The following ADAMTS18 variants were observed in gnomAD, a reference collection of about 807,000 sequenced individuals.
ADAMTS18 encodes the protein ADAM metallopeptidase with thrombospondin type 1 motif 18.
ADAMTS18 carries 157 observed loss-of-function variants against 165.9 expected under a neutral mutation model. The ratio of observed to expected loss-of-function variants is 0.95; its 90% CI spans 0.83 to 1.08. The LOEUF is 1.08. ADAMTS18 is among the 50% of genes least tolerant of loss of function. ADAMTS18 has a pLI of 0.00. For missense variants in ADAMTS18, 2,040 were observed against 1,534.0 expected (o/e 1.33, Z -5.51); for synonymous variants, 782 against 578.2 (o/e 1.35, Z -5.06).
chr16:77,395,631 A>G (rs2057246935), intron 3 of ADAMTS18, among the ~76,000 whole-genome samples: 2 of 152,200 alleles, frequency 1.3e-5, no homozygotes, highest in South Asian at 4.1e-4. Context: ...TGATTCTTTA[A>G]TGGAAACACT....
intron 3 of ADAMTS18, among the ~76,000 whole-genome samples, chr16:77,419,835 C>T (rs1017661644): frequency 6.6e-6 from 1 of 151,640 alleles, no homozygotes; most frequent in Non-Finnish European, 1.5e-5. Context: ...CCCGTCTCTA[C>T]TAAAAATAGA....
At chr16:77,400,481 T>TGTGTGTG (rs1491498451) in intron 3 of ADAMTS18, among the ~76,000 whole-genome samples, 2 of 109,672 alleles carry the variant, frequency 1.8e-5, no homozygotes, top group Admixed American at 8.5e-5. Flanking sequence ...TGTGTGTGTG[T>TGTGTGTG]TTTGTTTTTT....
chr16:77,335,971 C>T, intron 11 of ADAMTS18, 67 bp from the exon 12 acceptor site: 1 of 1,583,264 alleles, frequency 6.3e-7, no homozygotes, highest in Non-Finnish European at 8.7e-7. Flanking sequence ...GAGTTGCCAA[C>T]ACCTGCACAG....
In ADAMTS18 at chr16:77,431,747, A is replaced by G. The variant is rs2057743600; in HGVS notation, c.179-136T>C. 3.2e-6 allele frequency: 3 copies of G among 928,918 alleles called. No homozygotes were observed. In the African/African-American group the frequency reaches 4.8e-5, roughly 15 times the overall value. The allele number at this position is 928,918 out of a possible 1,614,324, so 57.5% of individuals were successfully genotyped here. A position where few individuals can be genotyped will look rare whatever the true frequency, so the allele number is the denominator to read the frequency against. On this transcript the variant is annotated intron_variant, in intron 2 of 22. Coordinates refer to ENST00000282849, the MANE Select transcript of ADAMTS18 (RefSeq NM_199355.4). ...ATTGCCTTGCACCTAGATCAAATAT[A>G]ATTCAGAGCAGCACAGGCAGCAGAA... is the stretch of plus-strand genomic sequence containing the variant.
intron 3 of ADAMTS18, among the ~76,000 whole-genome samples, chr16:77,395,081 G>T (rs1301695437): frequency 2.0e-5 from 3 of 152,152 alleles, no homozygotes; most frequent in Non-Finnish European, 4.4e-5. Context: ...TTTATTTCTG[G>T]TCCAAGGAGG....
intron 6 of ADAMTS18, among the ~76,000 whole-genome samples, chr16:77,363,091 C>A (rs2056739593): frequency 6.6e-6 from 1 of 152,132 alleles, no homozygotes. Flanking sequence ...GAGGAAAAGC[C>A]TCGGGGGACT....
At chr16:77,311,700 G>GGTTTTTTTTTT (rs141522765) in intron 16 of ADAMTS18, among the ~76,000 whole-genome samples, 1 of 94,230 alleles carries the variant, frequency 1.1e-5, no homozygotes. Context: ...GATTACTGGA[G>GGTTTTTTTTTT]TTTTCTTTTT....
chr16:77,382,133 A>G (rs2057039882), intron 3 of ADAMTS18, among the ~76,000 whole-genome samples: 1 of 152,228 alleles, frequency 6.6e-6, no homozygotes, highest in Non-Finnish European at 1.5e-5. Flanking sequence ...CATATCCACA[A>G]TAATAAAAGA....
At chr16:77,342,649 G>T (rs2056416160) in intron 10 of ADAMTS18, among the ~76,000 whole-genome samples, 1 of 152,118 alleles carries the variant, frequency 6.6e-6, no homozygotes, top group African/African-American at 2.4e-5. Flanking sequence ...CTCAAACCAG[G>T]CCTATGAAAT....
intron 16 of ADAMTS18, among the ~76,000 whole-genome samples, chr16:77,309,537 T>C (rs907027734): frequency 6.6e-6 from 1 of 152,188 alleles, no homozygotes; most frequent in Non-Finnish European, 1.5e-5. Context: ...CATTTTAAAA[T>C]TGGACTGGCA....
chr16:77,410,848 C>G (rs2057453356), intron 3 of ADAMTS18, among the ~76,000 whole-genome samples: 1 of 152,148 alleles, frequency 6.6e-6, no homozygotes, highest in Non-Finnish European at 1.5e-5. Context: ...AATATGGCAA[C>G]AGAAATGCAT....
intron 15 of ADAMTS18, 105 bp downstream of exon 15, chr16:77,320,974 G>A (rs1448348958): frequency 7.3e-7 from 1 of 1,364,248 alleles, no homozygotes; most frequent in Non-Finnish European, 1.0e-6. Flanking sequence ...TCACTAGTGT[G>A]TCCAGTGAAC....
chr16:77,289,923 A>C (rs1264858831), intron 21 of ADAMTS18, among the ~76,000 whole-genome samples: 1 of 152,210 alleles, frequency 6.6e-6, no homozygotes, highest in Non-Finnish European at 1.5e-5. Context: ...CGCTGATTTC[A>C]GTGTGCAATT....
Position 77,283,916 on chromosome 16 carries a change from G to GT in ADAMTS18, c.*39dup, listed in dbSNP as rs2055196981. On this transcript the variant is annotated 3_prime_UTR_variant, in exon 23 of 23. Transcript: ENST00000282849. Reference sequence around the variant, plus strand: ...AGCTGGTCTCTCTAGAGGTTGAAAGGTAAGCCCCTGGCCCTAAGGTGCTGG... The same window carrying GT: ...AGCTGGTCTCTCTAGAGGTTGAAAGGTTAAGCCCCTGGCCCTAAGGTGCTGG... The GT allele has an allele frequency of 6.6e-7, 1 of 1,504,128 alleles. No homozygotes were observed. Among genetic ancestry groups the GT allele is most frequent in the African/African-American group, 1.4e-5 (1 of 72,652 alleles). 93.2% of individuals were successfully genotyped at this position (1,504,128 alleles called of 1,614,324 possible).
At chr16:77,363,352 A>G (rs1031001568) in intron 6 of ADAMTS18, among the ~76,000 whole-genome samples, 1 of 152,062 alleles carries the variant, frequency 6.6e-6, no homozygotes, top group African/African-American at 2.4e-5. Context: ...TAATTTTCTG[A>G]TGTCTTATTT....
intron 3 of ADAMTS18, among the ~76,000 whole-genome samples, chr16:77,399,237 C>T (rs1374669178): frequency 6.6e-6 from 1 of 152,172 alleles, no homozygotes; most frequent in Non-Finnish European, 1.5e-5. Context: ...AAACTGTTAA[C>T]TGATAGGTAG....
chr16:77,431,618 T>G lies in ADAMTS18; in HGVS notation c.179-7A>C. ...GGCGTGACAAAGACGTAATCTGCAA[T>G]GGGAAAAGTTCAGCTGTCAGCACCC... On this transcript the variant is annotated splice_polypyrimidine_tract_variant and splice_region_variant and intron_variant, in intron 2 of 22. Transcript: ENST00000282849. The G allele has an allele frequency of 6.2e-7, 1 of 1,613,590 alleles. No homozygotes were observed. The highest frequency in any genetic ancestry group is 8.5e-7 in the Non-Finnish European group (1 of 1,179,910).
rs192387317 is a variant in ADAMTS18 at position 77,334,572 on chromosome 16, T to C, written c.1859+1184A>G. On this transcript the variant is annotated intron_variant, in intron 12 of 22. Coordinates refer to ENST00000282849, the MANE Select transcript of ADAMTS18 (RefSeq NM_199355.4). Reference sequence around the variant, plus strand: ...AGTATATATTATATAGTAGTATATATAGTATATATTATAGTATATAGTATA... The same window carrying C: ...AGTATATATTATATAGTAGTATATACAGTATATATTATAGTATATAGTATA... Among the ~76,000 whole-genome samples, 360 of 112,148 alleles carry C rather than the reference T, an allele frequency of 3.2e-3. 3 individuals carry two copies. Among genetic ancestry groups the C allele is most frequent in the African/African-American group, 0.013 (345 of 27,488 alleles). 73.6% of individuals were successfully genotyped at this position (112,148 alleles called of 152,430 possible). A position where few individuals can be genotyped will look rare whatever the true frequency, so the allele number is the denominator to read the frequency against.
intron 3 of ADAMTS18, among the ~76,000 whole-genome samples, chr16:77,380,316 A>G (rs2057012931): frequency 1.3e-5 from 2 of 152,238 alleles, no homozygotes; most frequent in Admixed American, 6.5e-5. Context: ...AGCAGCTCTT[A>G]ATAGATATTA....
Sources: gnomAD v4.1 joint callset for allele counts (sites outside exome capture counted in the v4.1 genomes callset) on GRCh38, gnomAD v4.1.1 for gene constraint, MANE v1.5 for transcripts, NCBI Gene and HGNC (gene_info 2026-07-23, HGNC 2026-07-21) for gene names.